LRGUK: variants seen among roughly 807,000 people sequenced by gnomAD.
LRGUK encodes the protein leucine rich repeats and guanylate kinase domain containing, also known as leucine-rich repeat and guanylate kinase domain-containing protein.
A neutral mutation model predicts 76.0 loss-of-function variants in LRGUK; 65 were observed. That is an observed-to-expected ratio of 0.85 (90% confidence interval 0.70 to 1.05). LRGUK has a LOEUF of 1.05. Among genes scored for constraint, LRGUK ranks in the 50% least tolerant of loss-of-function variants. LRGUK has a pLI of 0.00. For missense variants in LRGUK, 758 were observed against 732.8 expected (o/e 1.03, Z -0.40); for synonymous variants, 268 against 265.6 (o/e 1.01, Z -0.09).
intron 16 of LRGUK, among the ~76,000 whole-genome samples, chr7:134,237,650 A>T (rs1802047432): frequency 6.6e-6 from 1 of 152,136 alleles, no homozygotes; most frequent in African/African-American, 2.4e-5. Flanking sequence ...CCAGACCTGG[A>T]ATCAGTCTTT....
chr7:134,225,280 T>C (rs766560655), intron 16 of LRGUK, among the ~76,000 whole-genome samples: 78 of 152,166 alleles, frequency 5.1e-4, no homozygotes, highest in South Asian at 1.7e-3. Context: ...TGGTGATGAT[T>C]GGTGGGGGAA....
the LRGUK span, among the ~76,000 whole-genome samples, chr7:134,270,552 T>G: frequency 6.6e-6 from 1 of 152,156 alleles, no homozygotes; most frequent in South Asian, 2.1e-4. Context: ...TTCCCATGAA[T>G]TTTTTACACT....
downstream of LRGUK, among the ~76,000 whole-genome samples, chr7:134,268,954 AT>A (rs368832386): frequency 2.5e-4 from 38 of 151,942 alleles, 1 homozygote; most frequent in African/African-American, 7.7e-4. Flanking sequence ...GATAGTCTCC[AT>A]CTCTTGACTT....
intron 1 of LRGUK, among the ~76,000 whole-genome samples, chr7:134,132,085 C>T (rs966289918): frequency 6.6e-6 from 1 of 152,158 alleles, no homozygotes; most frequent in African/African-American, 2.4e-5. Context: ...CAGTGGCTCA[C>T]GCCTGAAATC....
At chr7:134,177,042 G>A in exon 9 of LRGUK, 1 of 1,598,238 alleles carries the variant, frequency 6.3e-7, no homozygotes, top group Non-Finnish European at 8.6e-7. Context: ...TAGATCAGAA[G>A]AAGATTAAAG....
At chr7:134,245,075 T>A (rs537068495) in intron 16 of LRGUK, among the ~76,000 whole-genome samples, 256 of 152,148 alleles carry the variant, frequency 1.7e-3, no homozygotes, top group African/African-American at 5.9e-3. Context: ...TTAGGAGATA[T>A]ACCTAATGTA....
chr7:134,186,215 T>C (rs914303431), intron 11 of LRGUK, among the ~76,000 whole-genome samples: 1 of 152,228 alleles, frequency 6.6e-6, no homozygotes, highest in African/African-American at 2.4e-5. Flanking sequence ...TTGTTGGATA[T>C]GTTTTTAGAG....
downstream of LRGUK, among the ~76,000 whole-genome samples, chr7:134,211,373 C>A (rs1801261879): frequency 6.6e-6 from 1 of 152,212 alleles, no homozygotes; most frequent in Non-Finnish European, 1.5e-5. Context: ...AAGGAAAATT[C>A]GCTTCTAGAC....
chr7:134,161,727 G>C (rs1443670347), intron 6 of LRGUK, among the ~76,000 whole-genome samples: 5 of 123,952 alleles, frequency 4.0e-5, no homozygotes, highest in African/African-American at 1.6e-4. Flanking sequence ...GTCTCGCTCT[G>C]TTGCCCAGGC....
intron 18 of LRGUK, among the ~76,000 whole-genome samples, chr7:134,253,644 A>G (rs1802500655): frequency 6.6e-6 from 1 of 152,154 alleles, no homozygotes; most frequent in African/African-American, 2.4e-5. Context: ...GCAAAAACCC[A>G]TCTCTACTAA....
exon 6 of LRGUK, chr7:134,158,085 C>T: frequency 6.2e-7 from 1 of 1,612,724 alleles, no homozygotes; most frequent in Non-Finnish European, 8.5e-7. Context: ...CAACCTAATT[C>T]ACCTTAGTTT....
intron 6 of LRGUK, among the ~76,000 whole-genome samples, chr7:134,160,557 C>T (rs1262898243): frequency 6.6e-6 from 1 of 152,058 alleles, no homozygotes; most frequent in Non-Finnish European, 1.5e-5. Flanking sequence ...ATTTACATTA[C>T]AATTTAGAGA....
intron 1 of LRGUK, among the ~76,000 whole-genome samples, chr7:134,128,846 G>A (rs1247687467): frequency 2.0e-5 from 3 of 151,716 alleles, no homozygotes; most frequent in African/African-American, 7.3e-5. Context: ...CACCGCACCC[G>A]GCCTAATTTG....
intron 11 of LRGUK, 53 bp from the exon 12 acceptor site, chr7:134,191,602 C>T: frequency 5.2e-6 from 6 of 1,159,994 alleles, no homozygotes; most frequent in African/African-American, 1.6e-5. Context: ...AAACCTTTTC[C>T]ATTTTGAATT....
chr7:134,138,292 A>G (rs1797617888), intron 2 of LRGUK, among the ~76,000 whole-genome samples: 1 of 152,204 alleles, frequency 6.6e-6, no homozygotes, highest in Non-Finnish European at 1.5e-5. Flanking sequence ...ACTGAAGCTT[A>G]ATTTATTTTG....
chr7:134,145,245 CT>C (rs964524883), intron 4 of LRGUK, among the ~76,000 whole-genome samples: 25 of 151,708 alleles, frequency 1.6e-4, no homozygotes, highest in Admixed American at 1.6e-3. Flanking sequence ...GTTTTCTTTT[CT>C]TTTCTTTTCT....
chr7:134,239,896 G>C (rs1474212776), intron 16 of LRGUK, among the ~76,000 whole-genome samples: 5 of 152,186 alleles, frequency 3.3e-5, no homozygotes, highest in African/African-American at 1.2e-4. Context: ...TTCTGCAATA[G>C]TTGCTGTTCT....
At chr7:134,214,430 C>T (rs1472435297), downstream of LRGUK, among the ~76,000 whole-genome samples, 1 of 152,134 alleles carries the variant, frequency 6.6e-6, no homozygotes, top group Non-Finnish European at 1.5e-5. Context: ...ATAAGGAACT[C>T]ACTTATGGGC....
the LRGUK span, among the ~76,000 whole-genome samples, chr7:134,271,291 G>T: frequency 6.0e-4 from 91 of 151,836 alleles, no homozygotes; most frequent in African/African-American, 2.1e-3. Flanking sequence ...ATATTTTAAT[G>T]AATACAAGTT....
Sources: gnomAD v4.1 joint callset for allele counts (sites outside exome capture counted in the v4.1 genomes callset) on GRCh38, gnomAD v4.1.1 for gene constraint, MANE v1.5 for transcripts, NCBI Gene and HGNC (gene_info 2026-07-23, HGNC 2026-07-21) for gene names.